NECTIN1: variants seen among roughly 807,000 people sequenced by gnomAD.
The protein encoded by NECTIN1 is nectin cell adhesion molecule 1, also known as nectin-1.
NECTIN1 carries 23 observed loss-of-function variants against 48.0 expected under a neutral mutation model. The observed-to-expected ratio is 0.48, with a 90% CI of 0.34 to 0.68. The LOEUF (loss-of-function observed/expected upper bound fraction) is 0.68, where lower values mean the gene tolerates loss of function less well. Ranked by LOEUF, NECTIN1 falls within the 30% of genes least tolerant of loss-of-function variation. The probability of loss-of-function intolerance (pLI) is 0.01; values close to 1 mark genes in which losing one functional copy is unlikely to be tolerated. For synonymous variants in NECTIN1, 270 were observed against 288.9 expected, an observed-to-expected ratio of 0.93 and a Z score of 0.66; for missense variants, 591 against 709.9, an observed-to-expected ratio of 0.83 and a Z score of 1.90.
At chr11:119,696,243 C>T (rs1253586020) in intron 1 of NECTIN1, among the ~76,000 whole-genome samples, 1 of 152,212 alleles carries the variant, frequency 6.6e-6, no homozygotes, top group Non-Finnish European at 1.5e-5. Flanking sequence ...TGAACCCAGC[C>T]CAAAGGTAAA....
chr11:119,676,390 T>C (rs555781591), intron 4 of NECTIN1, among the ~76,000 whole-genome samples: 1 of 152,332 alleles, frequency 6.6e-6, no homozygotes, highest in South Asian at 2.1e-4. Context: ...GGCATACCAG[T>C]GCCCTCTGCT....
chr11:119,670,198 G>A (rs1565384781), intron 5 of NECTIN1, among the ~76,000 whole-genome samples: 2 of 152,262 alleles, frequency 1.3e-5, no homozygotes, highest in South Asian at 4.1e-4. Flanking sequence ...GACCTCAGAT[G>A]ATCCACCCAC....
chr11:119,648,325 G>GTGA (rs1864436400), intron 5 of NECTIN1, among the ~76,000 whole-genome samples: 4 of 18,158 alleles, frequency 2.2e-4, no homozygotes, highest in African/African-American at 4.9e-4. Flanking sequence ...GATGGTGATG[G>GTGA]TGGTGATGGT....
intron 1 of NECTIN1, among the ~76,000 whole-genome samples, chr11:119,703,944 A>C (rs1865499732): frequency 6.6e-6 from 1 of 152,328 alleles, no homozygotes; most frequent in East Asian, 1.9e-4. Context: ...ACAGGGAGAG[A>C]GTGGCCTTTA....
chr11:119,648,262 ATAG>A (rs778202806), intron 5 of NECTIN1, among the ~76,000 whole-genome samples: 786 of 9,076 alleles, frequency 0.087, 106 homozygotes, highest in Admixed American at 0.17. Flanking sequence ...AGAGGTGGTA[ATAG>A]TGGTGGTGGT....
chr11:119,645,913 T>C lies in NECTIN1; in HGVS notation c.1004-5901A>G, dbSNP rs1293443408. 2.0e-5 allele frequency among the ~76,000 whole-genome samples: 3 copies of C among 152,174 alleles called. No homozygotes were observed. The East Asian group carries it at 5.8e-4, about 29-fold the overall frequency. ...GAAGTCACAGAGTTCTTTCCTTGGC[T>C]CAGACTCAGCCAGGCCTCTGTCCTC... On this transcript the variant is annotated intron_variant, in intron 5 of 7. Coordinates refer to the NECTIN1 transcript ENST00000341398.
chr11:119,706,781 G>C (rs1294054471), intron 1 of NECTIN1, among the ~76,000 whole-genome samples: 5 of 152,186 alleles, frequency 3.3e-5, no homozygotes, highest in Admixed American at 2.6e-4. Flanking sequence ...ATAAATGCTG[G>C]AACAGCCTTT....
chr11:119,659,639 A>G (rs532832425), downstream of NECTIN1, among the ~76,000 whole-genome samples: 80 of 152,284 alleles, frequency 5.3e-4, 1 homozygote, highest in Admixed American at 2.7e-3. Flanking sequence ...GTAAGGGGAC[A>G]TCCTGGCACC....
chr11:119,645,093 T>C (rs1192525056), intron 5 of NECTIN1, among the ~76,000 whole-genome samples: 1 of 68,124 alleles, frequency 1.5e-5, no homozygotes, highest in African/African-American at 4.1e-5. Context: ...GCTTGTCTCC[T>C]CTGATGCAGG....
At chr11:119,691,590 A>G (rs1865253353) in intron 1 of NECTIN1, among the ~76,000 whole-genome samples, 1 of 152,204 alleles carries the variant, frequency 6.6e-6, no homozygotes, top group Non-Finnish European at 1.5e-5. Flanking sequence ...CCCTTTCCCC[A>G]GTGCCCAGAA....
At chr11:119,674,863 C>T (rs928065844) in intron 5 of NECTIN1, among the ~76,000 whole-genome samples, 9 of 152,182 alleles carry the variant, frequency 5.9e-5, no homozygotes, top group Admixed American at 3.3e-4. Flanking sequence ...GGCAGATCTA[C>T]GGGCAGGTTC....
At chr11:119,648,331 ATGGTGGTGGTGATGC>A (rs1864437049) in intron 5 of NECTIN1, among the ~76,000 whole-genome samples, 1 of 3,202 alleles carries the variant, frequency 3.1e-4, no homozygotes, top group Non-Finnish European at 7.0e-4. Context: ...GATGGTGGTG[ATGGTGGTGGTGATGC>A]TGGTGGTGGT....
Position 119,728,711 on chromosome 11 carries a change from G to GGGGGGGGGGCC in NECTIN1, c.-159_-158insGGCCCCCCCCC. ...GGCCGGGGCGGGGTGGGCTGGGTGG[G>GGGGGGGGGGCC]ATCCGCGCGGCCGCAGTCCGGGCCC... On this transcript the variant is annotated 5_prime_UTR_variant, in exon 1 of 6. It adds an upstream start codon to the 5' untranslated region. Coordinates refer to ENST00000264025, the MANE Select transcript of NECTIN1 (RefSeq NM_002855.5). 1 of 197,172 alleles carries GGGGGGGGGGCC rather than the reference G, an allele frequency of 5.1e-6. No individual in the cohort carries two copies. The allele number at this position is 197,172 out of a possible 1,614,324, so 12.2% of individuals were successfully genotyped here. A position where few individuals can be genotyped will look rare whatever the true frequency, so the allele number is the denominator to read the frequency against.
intron 1 of NECTIN1, among the ~76,000 whole-genome samples, chr11:119,700,760 C>T (rs1327450740): frequency 2.6e-5 from 4 of 152,222 alleles, no homozygotes; most frequent in East Asian, 1.9e-4. Flanking sequence ...GGGCCTCTTG[C>T]GCCTGTTGAG....
rs371158952 is a variant in NECTIN1 at position 119,665,156 on chromosome 11, C to T, written c.1145G>A (p.Arg382Gln). ...GCTGTAGTCACCCTTGAAGGTGTGCCGGCGCCGACGCAGGGCGACCACGAT... is the reference window on the plus strand; with the variant it reads ...GCTGTAGTCACCCTTGAAGGTGTGCTGGCGCCGACGCAGGGCGACCACGAT... ...GGIVVALRRR[R>Q]HTFKGDYSTK... The change falls in exon 6 of 6, where the codon CGG becomes CAG. Residue 382 changes from arginine (R) to glutamine (Q), a missense_variant. Transcript: ENST00000264025. The surrounding 1 kb of genome is among the most constrained non-coding windows in gnomAD (Gnocchi z 5.1). The T allele has an allele frequency of 1.2e-5, 19 of 1,613,078 alleles. No individual in the cohort carries two copies. In the Admixed American group the frequency reaches 1.3e-4, roughly 11 times the overall value.
chr11:119,677,677 G>C lies in NECTIN1; in HGVS notation c.611C>G (p.Thr204Arg). 1 of 1,614,140 alleles carries C rather than the reference G, an allele frequency of 6.2e-7. No individual in the cohort carries two copies. Among genetic ancestry groups the C allele is most frequent in the Non-Finnish European group, 8.5e-7 (1 of 1,180,028 alleles). Residue 204 changes from threonine to arginine, a missense_variant, in exon 3 of 6, where the codon ACA (threonine) becomes AGA (arginine). Transcript: ENST00000264025. The surrounding 1 kb of genome is among the most constrained non-coding windows in gnomAD (Gnocchi z 5.4). ...GCGGTAGCGGCTGATGACCGTCACTGTGCCATTGGGGTTCCGGATCTCCTG... is the reference window on the plus strand; with the variant it reads ...GCGGTAGCGGCTGATGACCGTCACTCTGCCATTGGGGTTCCGGATCTCCTG... Reference protein sequence around the residue: ...EYQEIRNPNGTVTVISRYRLV... With the variant: ...EYQEIRNPNGRVTVISRYRLV...
intron 1 of NECTIN1, among the ~76,000 whole-genome samples, chr11:119,716,389 G>A (rs372320447): frequency 3.0e-4 from 45 of 152,208 alleles, no homozygotes; most frequent in African/African-American, 1.0e-3. Context: ...GCTTTCCCTG[G>A]ATCAAGCAAA....
intron 1 of NECTIN1, among the ~76,000 whole-genome samples, chr11:119,699,003 G>A (rs148639547): frequency 2.2e-4 from 34 of 152,212 alleles, no homozygotes; most frequent in Admixed American, 1.7e-3. Context: ...CACAATGGGT[G>A]TCAGACAGCT....
intron 1 of NECTIN1, among the ~76,000 whole-genome samples, chr11:119,695,590 G>C (rs1412252302): frequency 6.6e-6 from 1 of 151,136 alleles, no homozygotes; most frequent in East Asian, 2.1e-4. Flanking sequence ...ACCAACTCAG[G>C]GATGGGGGTG....
Sources: allele counts gnomAD v4.1 joint callset (sites outside exome capture counted in the v4.1 genomes callset), GRCh38; gene constraint gnomAD v4.1.1; non-coding constraint Gnocchi (gnomAD v3.1); transcripts MANE v1.5; gene names NCBI Gene and HGNC (gene_info 2026-07-23, HGNC 2026-07-21).